Variants in MYH7B observed in about 807,000 individuals in gnomAD.
MYH7B encodes the protein myosin-7B.
MYH7B carries 205 observed loss-of-function variants against 234.5 expected under a neutral mutation model. The observed-to-expected ratio is 0.87, with a 90% CI of 0.78 to 0.98. The LOEUF (loss-of-function observed/expected upper bound fraction) is 0.98, where lower values mean the gene tolerates loss of function less well. Among genes scored for constraint, MYH7B ranks in the 50% least tolerant of loss-of-function variants. The pLI, the probability that MYH7B is intolerant of heterozygous loss-of-function variation, is 0.00. For missense variants in MYH7B, 2,652 were observed against 2,633.4 expected, an observed-to-expected ratio of 1.01 and a Z score of -0.15; for synonymous variants, 1,193 against 1,105.0, an observed-to-expected ratio of 1.08 and a Z score of -1.58.
exon 24 of MYH7B, chr20:34,991,066 C>A: frequency 6.2e-7 from 1 of 1,613,900 alleles, no homozygotes; most frequent in Non-Finnish European, 8.5e-7. Context: ...GGAGGGGATC[C>A]GGATCTGCCG....
Position 34,987,904 on chromosome 20 carries a change from AG to A in MYH7B, c.1407del (p.Ile470SerfsTer136). The A allele has an allele frequency of 6.3e-7, 1 of 1,599,462 alleles. No individual in the cohort carries two copies. Among genetic ancestry groups the A allele is most frequent in the East Asian group, 2.2e-5 (1 of 44,670 alleles). On this transcript the variant is annotated frameshift_variant, in exon 18 of 45. Coordinates refer to ENST00000262873, the Ensembl canonical transcript of MYH7B. LOFTEE classifies it high-confidence loss of function. ...GGGGTTCTGGACATCGCTGGGTTTG[AG>A]ATCTTTGAGGTGAGGACAGGCCCTC...
Position 35,001,706 on chromosome 20 carries a change from A to G in MYH7B, c.5676+180A>G. ...AGCTCCTTCTCATGGAACAGACCCC[A>G]TGTGCTTTCCCCTGGCCAAGGCTGG... On this transcript the variant is annotated intron_variant, in intron 43 of 44. Coordinates refer to ENST00000262873, the Ensembl canonical transcript of MYH7B. The G allele has an allele frequency of 1.4e-5, 11 of 798,012 alleles. No homozygotes were observed. In the South Asian group the frequency reaches 2.0e-4, roughly 15 times the overall value. The allele number at this position is 798,012 out of a possible 1,614,324, so 49.4% of individuals were successfully genotyped here.
exon 39 of MYH7B, chr20:35,000,597 C>T (rs1184929967): frequency 1.1e-5 from 18 of 1,569,234 alleles, no homozygotes; most frequent in Middle Eastern, 1.9e-4. Context: ...GGAGGAGCTG[C>T]GGGCTGCCCT....
chr20:34,989,761 C>T (rs2082104920), exon 20 of MYH7B: 1 of 1,614,114 alleles, frequency 6.2e-7, no homozygotes, highest in Non-Finnish European at 8.5e-7. Context: ...CCTGTCCATC[C>T]TGGAGGAGGA....
exon 36 of MYH7B, chr20:34,999,125 G>C: frequency 6.2e-7 from 1 of 1,613,648 alleles, no homozygotes; most frequent in East Asian, 2.2e-5. Flanking sequence ...AGTGCTCATC[G>C]TTGGAGAAGG....
At chr20:34,998,270 C>A in intron 32 of MYH7B, 25 bp from the exon 33 acceptor site, 1 of 1,612,696 alleles carries the variant, frequency 6.2e-7, no homozygotes, top group South Asian at 1.1e-5. Flanking sequence ...ACTCCTGACC[C>A]CTGACTCCCA....
chr20:34,999,410 G>A lies in MYH7B; in HGVS notation c.4540+5G>A, dbSNP rs2082325899. 1 of 1,509,778 alleles carries A rather than the reference G, an allele frequency of 6.6e-7. No homozygotes were observed. Among genetic ancestry groups the A allele is most frequent in the Non-Finnish European group, 8.9e-7 (1 of 1,129,686 alleles). The allele number at this position is 1,509,778 out of a possible 1,614,324, so 93.5% of individuals were successfully genotyped here. A position where few individuals can be genotyped will look rare whatever the true frequency, so the allele number is the denominator to read the frequency against. ...GGGAGAACAAGAACCTGCAGGGTAGGACCTGCCACACGCCAGGGCCAGGGT... is the reference window on the plus strand; with the variant it reads ...GGGAGAACAAGAACCTGCAGGGTAGAACCTGCCACACGCCAGGGCCAGGGT... On this transcript the variant is annotated splice_donor_5th_base_variant and intron_variant, in intron 36 of 44. Coordinates refer to ENST00000262873, the Ensembl canonical transcript of MYH7B.
Position 34,996,245 on chromosome 20 carries a change from T to G in MYH7B, c.2944-101T>G, listed in dbSNP as rs545469420. On this transcript the variant is annotated intron_variant, in intron 28 of 44. Coordinates refer to ENST00000262873, the Ensembl canonical transcript of MYH7B. Reference sequence around the variant, plus strand: ...CTCGGAGTCAAGTGACTTGCCTGAGTCCCATAGCTGGAAGGGGCACTTGCT... The same window carrying G: ...CTCGGAGTCAAGTGACTTGCCTGAGGCCCATAGCTGGAAGGGGCACTTGCT... The G allele has an allele frequency of 3.0e-6, 4 of 1,353,946 alleles. No individual in the cohort carries two copies. The South Asian group carries it at 5.3e-5, about 18-fold the overall frequency. 83.9% of individuals were successfully genotyped at this position (1,353,946 alleles called of 1,614,324 possible).
chr20:34,992,396 A>T (rs542749543), intron 24 of MYH7B, among the ~76,000 whole-genome samples: 3 of 151,626 alleles, frequency 2.0e-5, no homozygotes, highest in African/African-American at 7.2e-5. Flanking sequence ...AAAAAAAAAA[A>T]AAAAAAAGAA....
chr20:34,985,608 C>T (rs540616360), intron 13 of MYH7B, among the ~76,000 whole-genome samples: 37 of 152,158 alleles, frequency 2.4e-4, no homozygotes, highest in African/African-American at 8.7e-4. Context: ...AGACCCCAGG[C>T]GCCTAGGCCA....
rs375472856 is a variant in MYH7B, at chr20:34,994,205, C to T, written c.2504C>T (p.Ser835Leu). The T allele has an allele frequency of 3.9e-5, 63 of 1,613,298 alleles. No homozygotes were observed. Among genetic ancestry groups the T allele is most frequent in the Non-Finnish European group, 5.2e-5 (61 of 1,180,018 alleles). ...GCCTTCAATGCCGTCAAGAACTGGTCATGGATGAAGCTCTTTTTCAAGATG... is the reference window on the plus strand; with the variant it reads ...GCCTTCAATGCCGTCAAGAACTGGTTATGGATGAAGCTCTTTTTCAAGATG... The change falls in exon 27 of 45, where the codon TCA becomes TTA. Residue 835 changes from serine to leucine, a missense_variant. Coordinates refer to ENST00000262873, the Ensembl canonical transcript of MYH7B.
chr20:34,960,707 A>G (rs1048190926), intron 2 of MYH7B, among the ~76,000 whole-genome samples: 1 of 152,244 alleles, frequency 6.6e-6, no homozygotes, highest in Non-Finnish European at 1.5e-5. Flanking sequence ...TGCTTTGGCC[A>G]TTCAGAGTGG....
exon 34 of MYH7B, chr20:34,998,579 G>T: frequency 6.2e-7 from 1 of 1,613,600 alleles, no homozygotes; most frequent in Non-Finnish European, 8.5e-7. Flanking sequence ...AAAGGCCCTG[G>T]CCGCCCAAAG....
intron 2 of MYH7B, among the ~76,000 whole-genome samples, chr20:34,959,321 T>C (rs1976388712): frequency 6.6e-6 from 1 of 152,150 alleles, no homozygotes; most frequent in South Asian, 2.1e-4. Context: ...ATGGAGTCCA[T>C]GTAGTGGACT....
At chr20:34,993,348 T>C in exon 26 of MYH7B, 2 of 1,614,060 alleles carry the variant, frequency 1.2e-6, no homozygotes, top group East Asian at 4.5e-5. Context: ...TCTTCAAGGC[T>C]GGGCTTCTAG....
At chr20:34,958,008 G>A (rs1286524299) in intron 1 of MYH7B, among the ~76,000 whole-genome samples, 90 bp from the exon 2 acceptor site, 1 of 152,204 alleles carries the variant, frequency 6.6e-6, no homozygotes, top group African/African-American at 2.4e-5. Context: ...GGCAGGAAGA[G>A]GCTCCTGGGT....
At position 34,998,548 on chromosome 20, in the gene MYH7B, G is replaced by A; in HGVS notation, c.3912G>A (p.Leu1304=). ...GCCTGCTAGAGGAGAAGGAGTGTCTGATCAGTCAGCTGAGCCGTGGAAAGG... is the reference window on the plus strand; with the variant it reads ...GCCTGCTAGAGGAGAAGGAGTGTCTAATCAGTCAGCTGAGCCGTGGAAAGG... Residue 1304 remains leucine, a synonymous_variant, in exon 34 of 45, where the codon CTG becomes CTA. Coordinates refer to ENST00000262873, the Ensembl canonical transcript of MYH7B. 1.9e-6 allele frequency: 3 copies of A among 1,613,686 alleles called. No individual in the cohort carries two copies. The South Asian group carries it at 3.3e-5, about 18-fold the overall frequency.
rs1375472211 is a variant in MYH7B, at chr20:34,997,729, C to G, written c.3747+89C>G. On this transcript the variant is annotated intron_variant, in intron 32 of 44. Transcript: ENST00000262873. ...AATACTGTTCCCACACCAGCCTCCA[C>G]CCAGTACCTTATCCTGAGCCCTGAC... 12 of 1,489,838 alleles carry G rather than the reference C, an allele frequency of 8.1e-6. No homozygotes were observed. The East Asian group carries it at 2.9e-4, about 36-fold the overall frequency. The allele number at this position is 1,489,838 out of a possible 1,614,324, so 92.3% of individuals were successfully genotyped here.
chr20:34,976,414 C>T (rs1373304240), intron 3 of MYH7B, among the ~76,000 whole-genome samples: 1 of 152,228 alleles, frequency 6.6e-6, no homozygotes, highest in South Asian at 2.1e-4. Flanking sequence ...ATGTGTCTGG[C>T]GTCTGAGGTT....
Sources: allele counts gnomAD v4.1 joint callset (sites outside exome capture counted in the v4.1 genomes callset), GRCh38; gene constraint gnomAD v4.1.1; transcripts MANE v1.5; gene names NCBI Gene and HGNC (gene_info 2026-07-23, HGNC 2026-07-21).